Variants in LRP6 observed in about 807,000 individuals in gnomAD.
The protein encoded by LRP6 is LDL receptor related protein 6, also known as low-density lipoprotein receptor-related protein 6.
In LRP6, 43 loss-of-function variants were observed where a neutral mutation model predicts 184.1. The observed-to-expected ratio is 0.23, with a 90% CI of 0.18 to 0.30. LRP6 has a LOEUF of 0.30. Ranked by LOEUF, LRP6 falls within the 10% of genes least tolerant of loss-of-function variation. LRP6 has a pLI of 1.00. For missense variants in LRP6, 1,571 were observed against 2,005.3 expected (o/e 0.78, Z 4.14); for synonymous variants, 719 against 684.9 (o/e 1.05, Z -0.78).
At position 12,145,624 on chromosome 12, in the gene LRP6, CTTTT is replaced by C. The variant is rs1157764946; in HGVS notation, c.3397+1738_3397+1741del. On this transcript the variant is annotated intron_variant, in intron 15 of 22. Coordinates refer to ENST00000261349, the MANE Select transcript of LRP6 (RefSeq NM_002336.3). ...GATCCCACATTTCTTTTTTCTTTTTCTTTTTTTTTTTTTTTTTTTTTGAGACAGT... is the reference window on the plus strand; with the variant it reads ...GATCCCACATTTCTTTTTTCTTTTTCTTTTTTTTTTTTTTTTTGAGACAGT... Among the ~76,000 whole-genome samples the C allele has an allele frequency of 2.2e-3, 175 of 80,342 alleles. 3 individuals carry two copies. The East Asian group carries it at 0.084, about 39-fold the overall frequency. The allele number at this position is 80,342 out of a possible 152,430, so 52.7% of individuals were successfully genotyped here. A position where few individuals can be genotyped will look rare whatever the true frequency, so the allele number is the denominator to read the frequency against.
chr12:12,257,224 C>T (rs939033718), intron 1 of LRP6, among the ~76,000 whole-genome samples: 1 of 152,074 alleles, frequency 6.6e-6, no homozygotes, highest in Non-Finnish European at 1.5e-5. Flanking sequence ...CCGAACTAGA[C>T]ATTGTAAAAT....
chr12:12,240,822 G>C (rs188074687), intron 2 of LRP6, among the ~76,000 whole-genome samples: 3 of 151,994 alleles, frequency 2.0e-5, no homozygotes, highest in African/African-American at 7.3e-5. Flanking sequence ...TCAGACTGAG[G>C]GGCTCCAGCA....
intron 17 of LRP6, among the ~76,000 whole-genome samples, chr12:12,134,595 A>C (rs1452713526): frequency 6.6e-6 from 1 of 152,196 alleles, no homozygotes; most frequent in Admixed American, 6.5e-5. Flanking sequence ...CTAGATAAAG[A>C]AGCAACAGGA....
chr12:12,167,718 G>A (rs1226600055), intron 7 of LRP6, among the ~76,000 whole-genome samples: 1 of 151,526 alleles, frequency 6.6e-6, no homozygotes, highest in Non-Finnish European at 1.5e-5. Flanking sequence ...TAAATATATA[G>A]CACAGTATTA....
chr12:12,168,830 T>A (rs1406344173), intron 7 of LRP6, among the ~76,000 whole-genome samples: 1 of 152,138 alleles, frequency 6.6e-6, no homozygotes, highest in Non-Finnish European at 1.5e-5. Context: ...ACTGTTTTTG[T>A]CTTTTTGTTT....
At chr12:12,199,880 C>T (rs779649461) in intron 3 of LRP6, among the ~76,000 whole-genome samples, 48 of 143,226 alleles carry the variant, frequency 3.4e-4, no homozygotes, top group South Asian at 2.0e-3. Context: ...AGGAGAATCG[C>T]TTGAACCCGG....
chr12:12,262,267 T>C (rs865909447), intron 1 of LRP6, among the ~76,000 whole-genome samples: 2 of 152,136 alleles, frequency 1.3e-5, no homozygotes, highest in Non-Finnish European at 1.5e-5. Flanking sequence ...TGGTCCCAGC[T>C]ACTCAGGAGG....
intron 16 of LRP6, among the ~76,000 whole-genome samples, chr12:12,136,018 C>T (rs1481143100): frequency 6.6e-6 from 1 of 151,922 alleles, no homozygotes; most frequent in Non-Finnish European, 1.5e-5. Context: ...AATCCCGTCT[C>T]TACTAAAATA....
In LRP6 at chr12:12,141,989, T is replaced by C. The variant is rs146307819; in HGVS notation, c.3398-3455A>G. Among the ~76,000 whole-genome samples, 684 of 152,298 alleles carry C rather than the reference T, an allele frequency of 4.5e-3. 5 individuals are homozygous for C. Among genetic ancestry groups the C allele is most frequent in the African/African-American group, 0.016 (648 of 41,564 alleles). The stretch of plus-strand genomic sequence containing the variant: ...TTCACACGTGTATTTTGGCGACATA[T>C]GGTTTAAGATAGCAAAATCTTTATC... On this transcript the variant is annotated intron_variant, in intron 15 of 22. Transcript: ENST00000261349.
chr12:12,242,702 A>T (rs921192810), intron 2 of LRP6, among the ~76,000 whole-genome samples: 4 of 152,196 alleles, frequency 2.6e-5, no homozygotes, highest in African/African-American at 9.6e-5. Context: ...AGCCACTACA[A>T]TATTTCCTGG....
At chr12:12,245,514 C>T (rs912602988) in intron 1 of LRP6, among the ~76,000 whole-genome samples, 5 of 152,110 alleles carry the variant, frequency 3.3e-5, no homozygotes, top group Admixed American at 1.3e-4. Context: ...ATGATGGTTT[C>T]GGAGGTGTAA....
chr12:12,259,238 G>A (rs1865552217), intron 1 of LRP6, among the ~76,000 whole-genome samples: 1 of 150,248 alleles, frequency 6.7e-6, no homozygotes, highest in Non-Finnish European at 1.5e-5. Context: ...ACTCCAGCCT[G>A]GGTGACAGAG....
At chr12:12,174,351 A>C (rs889413660) in intron 7 of LRP6, among the ~76,000 whole-genome samples, 1 of 152,158 alleles carries the variant, frequency 6.6e-6, no homozygotes, top group Non-Finnish European at 1.5e-5. Context: ...GCCTCCAGTG[A>C]TCAGCACACC....
intron 15 of LRP6, among the ~76,000 whole-genome samples, chr12:12,143,689 T>C (rs1392662793): frequency 6.6e-6 from 1 of 152,148 alleles, no homozygotes; most frequent in African/African-American, 2.4e-5. Context: ...AAAAAATGCA[T>C]TTTAACCCCT....
At chr12:12,222,088 C>T (rs865861843) in intron 2 of LRP6, among the ~76,000 whole-genome samples, 30 of 152,214 alleles carry the variant, frequency 2.0e-4, no homozygotes, top group Middle Eastern at 3.4e-3. Flanking sequence ...AAAAGCTCTA[C>T]AAATTGGGAA....
chr12:12,194,398 A>G (rs1253430971), intron 3 of LRP6, among the ~76,000 whole-genome samples: 1 of 152,082 alleles, frequency 6.6e-6, no homozygotes, highest in Admixed American at 6.6e-5. Context: ...TGAATCACCC[A>G]GACGACTTCA....
intron 3 of LRP6, chr12:12,187,467 A>T: frequency 1.2e-5 from 4 of 331,484 alleles, no homozygotes; most frequent in South Asian, 1.2e-4. Flanking sequence ...CACAGCTTCC[A>T]CCCTTTCACA....
rs1189667732 is a variant in LRP6 at position 12,154,036 on chromosome 12, C to G, written c.2792-2998G>C. Among the ~76,000 whole-genome samples, 4 of 152,220 alleles carry G rather than the reference C, an allele frequency of 2.6e-5. No homozygotes were observed. The East Asian group carries it at 7.7e-4, about 29-fold the overall frequency. On this transcript the variant is annotated intron_variant, in intron 12 of 22. Transcript: ENST00000261349. ...ACGCCATACACCTGTAGGGCTAAAT[C>G]TGCTCAGAGGAAACATCTTTTTCCA...
intron 13 of LRP6, 95 bp downstream of exon 13, chr12:12,150,741 C>T: frequency 7.6e-7 from 1 of 1,310,606 alleles, no homozygotes; most frequent in Non-Finnish European, 1.1e-6. Flanking sequence ...CATACACACA[C>T]ACTTAAGCAG....
Sources: allele counts gnomAD v4.1 joint callset (sites outside exome capture counted in the v4.1 genomes callset), GRCh38; gene constraint gnomAD v4.1.1; transcripts MANE v1.5; gene names NCBI Gene and HGNC (gene_info 2026-07-23, HGNC 2026-07-21).